The following SOCS2 variants were observed in gnomAD, a reference collection of about 807,000 sequenced individuals.
The protein encoded by SOCS2 is suppressor of cytokine signaling 2, also known as CIS-2.
In SOCS2, 10 loss-of-function variants were observed where a neutral mutation model predicts 18.6. The ratio of observed to expected loss-of-function variants is 0.54; its 90% CI spans 0.33 to 0.91. The LOEUF is 0.91. Ranked by LOEUF, SOCS2 falls within the 40% of genes least tolerant of loss-of-function variation. SOCS2 has a pLI of 0.02. For missense variants in SOCS2, 231 were observed against 247.2 expected (o/e 0.93, Z 0.44); for synonymous variants, 104 against 104.0 (o/e 1.00, Z 0.00).
the SOCS2 span, among the ~76,000 whole-genome samples, chr12:93,595,685 T>C: frequency 6.6e-6 from 1 of 152,222 alleles, no homozygotes; most frequent in African/African-American, 2.4e-5. Context: ...ATAGTCTTCC[T>C]GTAGTTTTTG....
chr12:93,590,783 CAAAAAAAAAAAAAAAAAAAAA>C, the SOCS2 span, among the ~76,000 whole-genome samples: 22 of 38,950 alleles, frequency 5.6e-4, no homozygotes, highest in South Asian at 5.0e-3. Flanking sequence ...GACTCCGCCT[CAAAAAAAAAAAAAAAAAAAAA>C]AAAAAAAAAA....
the SOCS2 span, among the ~76,000 whole-genome samples, chr12:93,609,724 TA>T: frequency 2.4e-4 from 37 of 152,344 alleles, no homozygotes; most frequent in Admixed American, 2.4e-3. Flanking sequence ...GACTGTTCCC[TA>T]GGGATCTGTG....
At chr12:93,619,167 A>G in the SOCS2 span, among the ~76,000 whole-genome samples, 1 of 152,214 alleles carries the variant, frequency 6.6e-6, no homozygotes, top group Non-Finnish European at 1.5e-5. Flanking sequence ...AGCGGAGGCT[A>G]TGGGAGAGGA....
the SOCS2 span, among the ~76,000 whole-genome samples, chr12:93,615,521 G>T: frequency 6.6e-6 from 1 of 152,180 alleles, no homozygotes; most frequent in African/African-American, 2.4e-5. Flanking sequence ...ATTGGATTAA[G>T]GTATTCTCCT....
At chr12:93,593,945 T>A in the SOCS2 span, among the ~76,000 whole-genome samples, 7 of 152,220 alleles carry the variant, frequency 4.6e-5, no homozygotes, top group Non-Finnish European at 8.8e-5. Context: ...GTAGAAAACC[T>A]GTTTAATCAA....
the SOCS2 span, among the ~76,000 whole-genome samples, chr12:93,614,152 GT>G: frequency 6.6e-6 from 1 of 151,916 alleles, no homozygotes; most frequent in African/African-American, 2.4e-5. Flanking sequence ...CTCAACCAGG[GT>G]TTTGGGTTGA....
chr12:93,599,246 C>G, the SOCS2 span, among the ~76,000 whole-genome samples: 1 of 145,482 alleles, frequency 6.9e-6, no homozygotes, highest in African/African-American at 2.6e-5. Context: ...ACTTCAAACT[C>G]AGGCTCAAGC....
At chr12:93,621,637 C>T in the SOCS2 span, among the ~76,000 whole-genome samples, 1 of 152,098 alleles carries the variant, frequency 6.6e-6, no homozygotes, top group African/African-American at 2.4e-5. Context: ...CCATCATGCC[C>T]AGCTAATTAA....
chr12:93,579,423 C>T (rs1954507961), downstream of SOCS2, among the ~76,000 whole-genome samples: 1 of 152,110 alleles, frequency 6.6e-6, no homozygotes, highest in African/African-American at 2.4e-5. Context: ...AAGTAACCAG[C>T]CCCAGATGCC....
downstream of SOCS2, among the ~76,000 whole-genome samples, chr12:93,579,554 C>G (rs1481731008): frequency 1.3e-5 from 2 of 152,094 alleles, no homozygotes; most frequent in Non-Finnish European, 2.9e-5. Flanking sequence ...CATTCCTTTG[C>G]TTCTGCTGCT....
At chr12:93,623,108 C>T in the SOCS2 span, among the ~76,000 whole-genome samples, 4 of 152,016 alleles carry the variant, frequency 2.6e-5, no homozygotes, top group African/African-American at 9.7e-5. Context: ...GAATTGTAAC[C>T]CCCAAATGTC....
chr12:93,621,153 TATC>T, the SOCS2 span, among the ~76,000 whole-genome samples: 1 of 152,266 alleles, frequency 6.6e-6, no homozygotes, highest in African/African-American at 2.4e-5. Flanking sequence ...AGATTCCATG[TATC>T]ATTATACTGA....
the SOCS2 span, among the ~76,000 whole-genome samples, chr12:93,602,345 C>G: frequency 2.0e-5 from 3 of 152,190 alleles, no homozygotes; most frequent in African/African-American, 7.2e-5. Context: ...ATCCTCCTGC[C>G]TTGGCCTTTC....
the SOCS2 span, among the ~76,000 whole-genome samples, chr12:93,592,917 CTTTTT>C: frequency 1.9e-5 from 2 of 107,354 alleles, no homozygotes; most frequent in Non-Finnish European, 1.9e-5. Context: ...ACTGAGAAAG[CTTTTT>C]TTTTTTTTTT....
At chr12:93,614,623 CTTTCTTTCT>C in the SOCS2 span, among the ~76,000 whole-genome samples, 1 of 91,644 alleles carries the variant, frequency 1.1e-5, no homozygotes, top group Non-Finnish European at 2.3e-5. Flanking sequence ...TTCTTTCTTT[CTTTCTTTCT>C]TTTGATGGAG....
At chr12:93,614,489 T>C in the SOCS2 span, among the ~76,000 whole-genome samples, 2 of 34,498 alleles carry the variant, frequency 5.8e-5, no homozygotes. Flanking sequence ...CTTTCCTTCC[T>C]TCCTTCCTTC....
At chr12:93,584,590 G>A (rs1205019940), downstream of SOCS2, among the ~76,000 whole-genome samples, 1 of 152,056 alleles carries the variant, frequency 6.6e-6, no homozygotes, top group Non-Finnish European at 1.5e-5. Flanking sequence ...GTCACATGTA[G>A]GTAATATTTC....
downstream of SOCS2, among the ~76,000 whole-genome samples, chr12:93,577,617 A>G (rs1156433710): frequency 6.6e-6 from 1 of 152,156 alleles, no homozygotes; most frequent in East Asian, 1.9e-4. Flanking sequence ...AGCAGGCTGA[A>G]AAAGAACCCT....
chr12:93,601,568 C>T, the SOCS2 span, among the ~76,000 whole-genome samples: 1 of 152,310 alleles, frequency 6.6e-6, no homozygotes, highest in South Asian at 2.1e-4. Flanking sequence ...CTCAGCCTCC[C>T]AAAGTGCTGG....
Sources: gnomAD v4.1 joint callset for allele counts (sites outside exome capture counted in the v4.1 genomes callset) on GRCh38, gnomAD v4.1.1 for gene constraint, MANE v1.5 for transcripts, NCBI Gene and HGNC (gene_info 2026-07-23, HGNC 2026-07-21) for gene names.